The following MLLT3 variants were observed in gnomAD, a reference collection of about 807,000 sequenced individuals.
MLLT3 encodes the protein MLLT3 super elongation complex subunit.
MLLT3 carries 4 observed loss-of-function variants against 53.2 expected under a neutral mutation model. The observed-to-expected ratio is 0.08, with a 90% CI of 0.04 to 0.17. The LOEUF is 0.17. Among genes scored for constraint, MLLT3 ranks in the 10% least tolerant of loss-of-function variants. MLLT3 has a pLI of 1.00. For missense variants in MLLT3, 569 were observed against 684.0 expected (o/e 0.83, Z 1.87); for synonymous variants, 283 against 230.6 (o/e 1.23, Z -2.06).
chr9:20,465,357 T>C (rs938005460), intron 2 of MLLT3, among the ~76,000 whole-genome samples: 2 of 152,162 alleles, frequency 1.3e-5, no homozygotes, highest in Non-Finnish European at 1.5e-5. Flanking sequence ...GTTCTTTTAA[T>C]AAATGCACTG....
chr9:20,418,741 C>T (rs1379071923), intron 4 of MLLT3, among the ~76,000 whole-genome samples: 1 of 152,234 alleles, frequency 6.6e-6, no homozygotes, highest in East Asian at 1.9e-4. Flanking sequence ...CTTGGACTCC[C>T]AACAAACTGG....
intron 2 of MLLT3, among the ~76,000 whole-genome samples, chr9:20,471,991 T>C (rs569098654): frequency 1.8e-4 from 27 of 152,196 alleles, no homozygotes; most frequent in East Asian, 7.7e-4. Flanking sequence ...GTTAAACTGT[T>C]AAGGTGAAAT....
At chr9:20,478,256 T>C (rs1563777664) in intron 2 of MLLT3, among the ~76,000 whole-genome samples, 1 of 152,150 alleles carries the variant, frequency 6.6e-6, no homozygotes, top group Non-Finnish European at 1.5e-5. Flanking sequence ...TAACACGGCA[T>C]TCTTTGCATA....
At chr9:20,540,426 GC>G (rs1818600175) in intron 2 of MLLT3, among the ~76,000 whole-genome samples, 1 of 152,192 alleles carries the variant, frequency 6.6e-6, no homozygotes, top group Non-Finnish European at 1.5e-5. Context: ...TGAAATCTAG[GC>G]AGAGGTTCCC....
intron 2 of MLLT3, among the ~76,000 whole-genome samples, chr9:20,546,848 G>C (rs939213028): frequency 1.3e-5 from 2 of 152,242 alleles, no homozygotes; most frequent in South Asian, 4.1e-4. Context: ...GGTGGAGACT[G>C]TTAGAGGAGG....
intron 2 of MLLT3, among the ~76,000 whole-genome samples, chr9:20,466,604 T>C (rs1330244588): frequency 1.3e-5 from 2 of 152,136 alleles, no homozygotes; most frequent in African/African-American, 2.4e-5. Context: ...TTGGGCTAAA[T>C]AGATAACAGG....
chr9:20,602,582 T>G (rs1820453612), intron 2 of MLLT3, among the ~76,000 whole-genome samples: 1 of 151,886 alleles, frequency 6.6e-6, no homozygotes, highest in African/African-American at 2.4e-5. Context: ...TGCTCAGGAG[T>G]GACAGTCAAA....
chr9:20,448,060 G>GT lies in MLLT3; in HGVS notation c.420+62dup, dbSNP rs111349071. The GT allele has an allele frequency of 0.099, 104,025 of 1,052,840 alleles. 5 individuals are homozygous for GT. The highest frequency in any genetic ancestry group is 0.13 in the South Asian group (7,091 of 56,276). The allele number at this position is 1,052,840 out of a possible 1,614,324, so 65.2% of individuals were successfully genotyped here. A position where few individuals can be genotyped will look rare whatever the true frequency, so the allele number is the denominator to read the frequency against. Reference sequence around the variant, plus strand: ...TAACACATGAGGAACTAGTTTGTTTGTTTTTTTTTTTGTTGTTGTTGTTTT... The same window carrying GT: ...TAACACATGAGGAACTAGTTTGTTTGTTTTTTTTTTTTGTTGTTGTTGTTTT... On this transcript the variant is annotated intron_variant, in intron 4 of 10. Transcript: ENST00000380338. The surrounding 1 kb of genome is among the most constrained non-coding windows in gnomAD (Gnocchi z 4.0).
intron 2 of MLLT3, among the ~76,000 whole-genome samples, chr9:20,498,767 CAG>C (rs1825146558): frequency 6.6e-6 from 1 of 152,184 alleles, no homozygotes; most frequent in African/African-American, 2.4e-5. Context: ...ATGCCCTTGT[CAG>C]ACATATGTTA....
rs558338367 is a variant in MLLT3 at position 20,571,027 on chromosome 9, C to G, written c.193+49627G>C. On this transcript the variant is annotated intron_variant, in intron 2 of 10. Coordinates refer to ENST00000380338, the MANE Select transcript of MLLT3 (RefSeq NM_004529.4). ...GAGTAAAACTCTAGGCTTTATCACT[C>G]ACTGAAAATAGAAGACATGTCTTTG... is the stretch of plus-strand genomic sequence containing the variant. Among the ~76,000 whole-genome samples the G allele has an allele frequency of 1.2e-4, 19 of 152,334 alleles. No individual in the cohort carries two copies. In the East Asian group the frequency reaches 3.5e-3, roughly 28 times the overall value.
chr9:20,586,334 G>C (rs1276536097), intron 2 of MLLT3, among the ~76,000 whole-genome samples: 1 of 148,564 alleles, frequency 6.7e-6, no homozygotes, highest in Non-Finnish European at 1.5e-5. Context: ...AAAAAAAAAA[G>C]TAATATGGAT....
At chr9:20,452,040 G>C (rs1176555544) in intron 3 of MLLT3, among the ~76,000 whole-genome samples, 1 of 152,186 alleles carries the variant, frequency 6.6e-6, no homozygotes, top group Non-Finnish European at 1.5e-5. Context: ...GAGCTCATTA[G>C]AGAAGCAGGA....
Position 20,435,256 on chromosome 9 carries a change from C to A in MLLT3, c.420+12867G>T, listed in dbSNP as rs191358967. Among the ~76,000 whole-genome samples the A allele has an allele frequency of 2.5e-3, 378 of 152,148 alleles. 1 individual carries two copies. Among genetic ancestry groups the A allele is most frequent in the Admixed American group, 3.1e-3 (47 of 15,280 alleles). Reference sequence around the variant, plus strand: ...ACAGGGTCTCAGTATGTTACCCAGGCTAGACTCGAACTCCTGGGCTCCAGC... The same window carrying A: ...ACAGGGTCTCAGTATGTTACCCAGGATAGACTCGAACTCCTGGGCTCCAGC... On this transcript the variant is annotated intron_variant, in intron 4 of 10. Coordinates refer to ENST00000380338, the MANE Select transcript of MLLT3 (RefSeq NM_004529.4).
intron 2 of MLLT3, among the ~76,000 whole-genome samples, chr9:20,461,379 G>C (rs896973079): frequency 1.3e-5 from 2 of 152,100 alleles, no homozygotes; most frequent in African/African-American, 4.8e-5. Flanking sequence ...AGGGGGAAAA[G>C]AAAATGATCT....
chr9:20,384,709 T>C (rs1821990001), intron 5 of MLLT3, among the ~76,000 whole-genome samples: 1 of 152,106 alleles, frequency 6.6e-6, no homozygotes, highest in African/African-American at 2.4e-5. Flanking sequence ...ATTGGTTTAC[T>C]GAATCCTGAA....
intron 2 of MLLT3, among the ~76,000 whole-genome samples, chr9:20,513,152 T>A (rs1448470627): frequency 6.6e-6 from 1 of 152,202 alleles, no homozygotes; most frequent in Non-Finnish European, 1.5e-5. Flanking sequence ...TCCTTCTTCA[T>A]CCTGGCAGAC....
At chr9:20,569,658 G>T (rs1356144544) in intron 2 of MLLT3, among the ~76,000 whole-genome samples, 1 of 152,098 alleles carries the variant, frequency 6.6e-6, no homozygotes, top group African/African-American at 2.4e-5. Flanking sequence ...AAAACTCAGC[G>T]GTGTCCTTGG....
At chr9:20,434,751 A>G (rs1383519826) in intron 4 of MLLT3, among the ~76,000 whole-genome samples, 5 of 152,156 alleles carry the variant, frequency 3.3e-5, no homozygotes, top group Non-Finnish European at 7.4e-5. Context: ...TCTTCTATCT[A>G]TATCACACAC....
At chr9:20,425,963 A>C (rs1287087163) in intron 4 of MLLT3, among the ~76,000 whole-genome samples, 1 of 152,048 alleles carries the variant, frequency 6.6e-6, no homozygotes, top group Non-Finnish European at 1.5e-5. Flanking sequence ...AAAATATTTA[A>C]TATTTTACAA....
Sources: gnomAD v4.1 joint callset for allele counts (sites outside exome capture counted in the v4.1 genomes callset) on GRCh38, gnomAD v4.1.1 for gene constraint, Gnocchi (gnomAD v3.1) non-coding constraint, MANE v1.5 for transcripts, NCBI Gene and HGNC (gene_info 2026-07-23, HGNC 2026-07-21) for gene names.